The following MEF2A variants were observed in gnomAD, a reference collection of about 807,000 sequenced individuals.
MEF2A encodes the protein myocyte-specific enhancer factor 2A.
In MEF2A, 28 loss-of-function variants were observed where a neutral mutation model predicts 55.8. The observed-to-expected ratio is 0.50, with a 90% CI of 0.37 to 0.69. MEF2A has a LOEUF of 0.69. Among genes scored for constraint, MEF2A ranks in the 30% least tolerant of loss-of-function variants. The pLI, the probability that MEF2A is intolerant of heterozygous loss-of-function variation, is 0.00. For synonymous variants in MEF2A, 239 were observed against 227.1 expected (o/e 1.05, Z -0.47); for missense variants, 528 against 626.2 (o/e 0.84, Z 1.67).
At chr15:99,634,383 C>G (rs2043415899) in intron 3 of MEF2A, among the ~76,000 whole-genome samples, 1 of 152,246 alleles carries the variant, frequency 6.6e-6, no homozygotes, top group South Asian at 2.1e-4. Flanking sequence ...GGTAAACTAT[C>G]CATGCTATTA....
intron 1 of MEF2A, among the ~76,000 whole-genome samples, chr15:99,566,885 C>G (rs1959856723): frequency 6.6e-6 from 1 of 152,182 alleles, no homozygotes; most frequent in South Asian, 2.1e-4. Context: ...GCACAGGGAA[C>G]CGCTGGCTGA....
intron 2 of MEF2A, among the ~76,000 whole-genome samples, chr15:99,624,201 GT>G (rs1364686216): frequency 1.3e-5 from 2 of 151,980 alleles, no homozygotes; most frequent in African/African-American, 4.8e-5. Context: ...ATAAAATGTA[GT>G]TTTTTTTGTT....
Position 99,610,691 on chromosome 15 carries a change from T to C in MEF2A, c.-143+12180T>C, listed in dbSNP as rs558570130. Among the ~76,000 whole-genome samples the C allele has an allele frequency of 8.5e-5, 13 of 152,142 alleles. No homozygotes were observed. In the South Asian group the frequency reaches 2.1e-3, roughly 24 times the overall value. Reference sequence around the variant, plus strand: ...TTTTAATTATTATTTTTTTTCACAATGATGCCAAGACAGTTCAATGGAGGG... The same window carrying C: ...TTTTAATTATTATTTTTTTTCACAACGATGCCAAGACAGTTCAATGGAGGG... On this transcript the variant is annotated intron_variant, in intron 2 of 11. Coordinates refer to ENST00000557942, the MANE Select transcript of MEF2A (RefSeq NM_001319206.4).
rs1032705279 is a variant in MEF2A, at chr15:99,690,475, A to G, written c.858+47A>G. 1.2e-5 allele frequency: 18 copies of G among 1,485,890 alleles called. No individual in the cohort carries two copies. The African/African-American group carries it at 1.7e-4, about 14-fold the overall frequency. 92.0% of individuals were successfully genotyped at this position (1,485,890 alleles called of 1,614,324 possible). On this transcript the variant is annotated intron_variant, in intron 8 of 11. Transcript: ENST00000557942. ...CTTCATTCTTTAAAACACATATTTT[A>G]TACATAGTCAATCTGTAGCTTCCTT...
intron 2 of MEF2A, among the ~76,000 whole-genome samples, chr15:99,625,585 C>T (rs925481267): frequency 6.6e-6 from 1 of 152,076 alleles, no homozygotes; most frequent in Non-Finnish European, 1.5e-5. Flanking sequence ...AGTCTTTGAT[C>T]ATTGAATATG....
At chr15:99,568,415 C>T (rs1438257414) in intron 1 of MEF2A, among the ~76,000 whole-genome samples, 3 of 152,124 alleles carry the variant, frequency 2.0e-5, no homozygotes, top group South Asian at 2.1e-4. Context: ...AAAGCAATTT[C>T]GTTACAATTT....
chr15:99,620,156 T>C (rs2040892731), intron 2 of MEF2A, among the ~76,000 whole-genome samples: 1 of 152,248 alleles, frequency 6.6e-6, no homozygotes, highest in Non-Finnish European at 1.5e-5. Flanking sequence ...ATGCTGCTAG[T>C]CTTTTATCTG....
At chr15:99,622,778 C>G (rs2041431225) in intron 2 of MEF2A, among the ~76,000 whole-genome samples, 1 of 145,770 alleles carries the variant, frequency 6.9e-6, no homozygotes, top group Non-Finnish European at 1.5e-5. Context: ...TCTTGGCTCA[C>G]TGCAAGCTCC....
At chr15:99,634,976 G>A (rs759774138) in intron 3 of MEF2A, among the ~76,000 whole-genome samples, 25 of 152,170 alleles carry the variant, frequency 1.6e-4, no homozygotes, top group Non-Finnish European at 2.9e-4. Context: ...TTTAGAATTT[G>A]ATTCTGATTT....
chr15:99,645,633 A>G lies in MEF2A; in HGVS notation c.127A>G (p.Ile43Val). The G allele has an allele frequency of 1.2e-6, 2 of 1,613,822 alleles. No individual in the cohort carries two copies. The highest frequency in any genetic ancestry group is 1.7e-6 in the Non-Finnish European group (2 of 1,179,756). The change falls in exon 4 of 12, where the codon ATA becomes GTA. Residue 43 changes from isoleucine to valine, a missense_variant. Around this residue, in one of 2 missense-constraint regions of MEF2A, gnomAD observed 78 missense variants for 150.9 expected, o/e 0.52. Transcript: ENST00000557942. Reference sequence around the variant, plus strand: ...ACTTAGTGTGCTCTGTGACTGTGAAATAGCACTCATCATTTTCAACAGCTC... The same window carrying G: ...ACTTAGTGTGCTCTGTGACTGTGAAGTAGCACTCATCATTTTCAACAGCTC... ...YELSVLCDCEIALIIFNSSNK... is the reference protein window; with the variant it reads ...YELSVLCDCEVALIIFNSSNK...
chr15:99,611,864 T>G (rs542509810), intron 2 of MEF2A, among the ~76,000 whole-genome samples: 3 of 152,202 alleles, frequency 2.0e-5, no homozygotes, highest in Non-Finnish European at 4.4e-5. Context: ...TGATTAATGT[T>G]ATAACCCAGA....
intron 1 of MEF2A, among the ~76,000 whole-genome samples, chr15:99,571,195 A>AAAC (rs953043245): frequency 6.0e-5 from 9 of 151,218 alleles, no homozygotes; most frequent in South Asian, 2.1e-4. Flanking sequence ...AAAAAAAAAA[A>AAAC]AACAACAACA....
intron 3 of MEF2A, among the ~76,000 whole-genome samples, chr15:99,642,780 G>A (rs1436220888): frequency 2.0e-5 from 3 of 152,162 alleles, no homozygotes; most frequent in South Asian, 4.1e-4. Flanking sequence ...TCCTCTCAGA[G>A]GACACTGCCA....
chr15:99,667,031 A>G (rs1034296600), intron 4 of MEF2A, among the ~76,000 whole-genome samples: 1 of 152,226 alleles, frequency 6.6e-6, no homozygotes, highest in Non-Finnish European at 1.5e-5. Context: ...AGATTAATCA[A>G]ATATTTTTAG....
chr15:99,714,836 T>C lies in MEF2A; in HGVS notation c.*2065T>C, dbSNP rs2059007657. 8.5e-6 allele frequency: 1 copy of C among 117,518 alleles called. No homozygotes were observed. Among genetic ancestry groups the C allele is most frequent in the Admixed American group, 1.0e-4 (1 of 10,000 alleles). The allele number at this position is 117,518 out of a possible 1,614,324, so 7.3% of individuals were successfully genotyped here. A position where few individuals can be genotyped will look rare whatever the true frequency, so the allele number is the denominator to read the frequency against. ...ACCCCCCCCCCAAATTACGTTCCTT[T>C]TGACATTTTCCTCATCTGCTGTTTG... is the stretch of plus-strand genomic sequence containing the variant. On this transcript the variant is annotated 3_prime_UTR_variant, in exon 12 of 12. Transcript: ENST00000557942.
intron 4 of MEF2A, among the ~76,000 whole-genome samples, chr15:99,661,435 A>G (rs1429386620): frequency 6.7e-6 from 1 of 149,968 alleles, no homozygotes. Flanking sequence ...TTTTAATGCT[A>G]CATAATGGGA....
intron 2 of MEF2A, 135 bp downstream of exon 2, chr15:99,598,646 A>G (rs1972021709): frequency 1.3e-5 from 2 of 152,194 alleles, no homozygotes; most frequent in Non-Finnish European, 2.9e-5. Context: ...ATTTAGACCC[A>G]GTTGAGGAAA....
At chr15:99,674,290 T>C (rs1026661646) in intron 5 of MEF2A, 103 bp from the exon 6 acceptor site, 36 of 1,017,980 alleles carry the variant, frequency 3.5e-5, no homozygotes, top group Non-Finnish European at 4.8e-5. Flanking sequence ...CCCTATCCTC[T>C]ACTTTTAGTA....
At chr15:99,585,743 C>T (rs2570807) in intron 1 of MEF2A, among the ~76,000 whole-genome samples, 98,247 of 152,076 alleles carry the variant, frequency 0.65, 35,157 homozygotes, top group Middle Eastern at 0.86. Context: ...ATAGATATTA[C>T]ACCATTTATA....
Sources: gnomAD v4.1 joint callset for allele counts (sites outside exome capture counted in the v4.1 genomes callset) on GRCh38, gnomAD v4.1.1 for gene constraint, gnomAD v4.1.1 regional missense constraint, MANE v1.5 for transcripts, NCBI Gene and HGNC (gene_info 2026-07-23, HGNC 2026-07-21) for gene names.